SLC2A9: variants seen among roughly 807,000 people sequenced by gnomAD.
SLC2A9 encodes solute carrier family 2, facilitated glucose transporter member 9.
SLC2A9 carries 39 observed loss-of-function variants against 50.6 expected under a neutral mutation model. That is an observed-to-expected ratio of 0.77 (90% CI 0.60 to 1.01). The LOEUF is 1.01. Ranked by LOEUF, SLC2A9 falls within the 50% of genes least tolerant of loss-of-function variation. SLC2A9 has a pLI of 0.00. For synonymous variants in SLC2A9, 324 were observed against 276.9 expected (o/e 1.17, Z -1.69); for missense variants, 686 against 677.6 (o/e 1.01, Z -0.14).
At chr4:9,990,099 C>T (rs76800309) in intron 3 of SLC2A9, among the ~76,000 whole-genome samples, 2,692 of 152,172 alleles carry the variant, frequency 0.018, 31 homozygotes, top group Middle Eastern at 0.054. Flanking sequence ...CTGTGCTCCC[C>T]GCTTGGCTGC....
intron 11 of SLC2A9, among the ~76,000 whole-genome samples, chr4:9,830,549 G>T (rs577645691): frequency 6.6e-6 from 1 of 152,268 alleles, no homozygotes; most frequent in Admixed American, 6.5e-5. Context: ...AAAAAGCTCA[G>T]AAAAAGTTTG....
intron 3 of SLC2A9, among the ~76,000 whole-genome samples, chr4:9,799,520 G>A (rs1037613553): frequency 6.6e-6 from 1 of 151,936 alleles, no homozygotes; most frequent in Non-Finnish European, 1.5e-5. Context: ...AGCTCCTAAA[G>A]GCACCACCTC....
At chr4:9,917,004 G>A (rs1272064194) in intron 7 of SLC2A9, among the ~76,000 whole-genome samples, 2 of 152,152 alleles carry the variant, frequency 1.3e-5, no homozygotes, top group African/African-American at 4.8e-5. Context: ...CCAGGTGAGG[G>A]GAGCACAGTG....
At chr4:9,829,908 G>C (rs1725789181) in intron 11 of SLC2A9, among the ~76,000 whole-genome samples, 1 of 152,222 alleles carries the variant, frequency 6.6e-6, no homozygotes, top group Non-Finnish European at 1.5e-5. Context: ...CTTCTACATT[G>C]TTGGTGGGAG....
chr4:9,859,134 A>T (rs1168025858), intron 10 of SLC2A9, among the ~76,000 whole-genome samples: 1 of 152,190 alleles, frequency 6.6e-6, no homozygotes, highest in Non-Finnish European at 1.5e-5. Context: ...CTTGTGCCTC[A>T]ACTTGCAAAT....
At chr4:9,885,902 T>C (rs1736115718) in intron 10 of SLC2A9, among the ~76,000 whole-genome samples, 1 of 152,256 alleles carries the variant, frequency 6.6e-6, no homozygotes, top group Non-Finnish European at 1.5e-5. Context: ...ATGCATGGTC[T>C]GTGAAATAAA....
rs769493640 is a variant in SLC2A9, at chr4:10,028,144, A to C, written c.-40-2138T>G. Among the ~76,000 whole-genome samples the C allele has an allele frequency of 2.0e-5, 3 of 152,280 alleles. No homozygotes were observed. In the South Asian group the frequency reaches 6.2e-4, roughly 32 times the overall value. ...AGCAGCCCCTTCGAGCTGCCACACC[A>C]GGCCACTCTGCCCTCAGCTCCCTCA... On this transcript the variant is annotated intron_variant, in intron 1 of 12. Coordinates refer to the SLC2A9 transcript ENST00000309065.
At chr4:10,019,228 G>T (rs1383380457) in intron 1 of SLC2A9, 155 bp from the exon 2 acceptor site, 2 of 661,362 alleles carry the variant, frequency 3.0e-6, no homozygotes, top group Non-Finnish European at 2.7e-6. Flanking sequence ...CGCAAGTTGG[G>T]GACCTGCAAG....
chr4:9,989,448 C>T (rs891701489), intron 3 of SLC2A9, among the ~76,000 whole-genome samples: 1 of 152,084 alleles, frequency 6.6e-6, no homozygotes, highest in Non-Finnish European at 1.5e-5. Flanking sequence ...TCATTCTCAG[C>T]TGATGACCAT....
At chr4:9,777,491 CT>C (rs996355656), downstream of SLC2A9, among the ~76,000 whole-genome samples, 2 of 152,126 alleles carry the variant, frequency 1.3e-5, no homozygotes, top group African/African-American at 4.8e-5. Flanking sequence ...ATCAAAAATG[CT>C]TGTGGAATGA....
chr4:9,949,608 T>G (rs546866857), intron 5 of SLC2A9, among the ~76,000 whole-genome samples: 7 of 152,312 alleles, frequency 4.6e-5, no homozygotes, highest in African/African-American at 1.7e-4. Flanking sequence ...ACGGGGCTCT[T>G]TCCTTGACAT....
chr4:9,834,744 G>C (rs1444943495), intron 11 of SLC2A9, 137 bp downstream of exon 11: 2 of 1,399,960 alleles, frequency 1.4e-6, no homozygotes, highest in East Asian at 4.9e-5. Flanking sequence ...CCAAAGCATA[G>C]TTTCTTCCTT....
intron 2 of SLC2A9, among the ~76,000 whole-genome samples, chr4:10,001,035 G>A (rs1361068068): frequency 1.3e-5 from 2 of 152,112 alleles, no homozygotes; most frequent in African/African-American, 4.8e-5. Flanking sequence ...GTCCTTATTT[G>A]AAATGTGGTC....
chr4:9,845,403 C>T (rs991852049), intron 10 of SLC2A9, among the ~76,000 whole-genome samples: 1 of 149,054 alleles, frequency 6.7e-6, no homozygotes, highest in Non-Finnish European at 1.5e-5. Flanking sequence ...AAAATTATTC[C>T]AATGGAACCA....
chr4:9,879,580 G>A, intron 10 of SLC2A9: 11 of 985,350 alleles, frequency 1.1e-5, no homozygotes, highest in Non-Finnish European at 1.3e-5. Context: ...CAAGGTATGT[G>A]CTGAGGCATC....
At chr4:9,845,020 A>AT (rs200870252) in intron 10 of SLC2A9, among the ~76,000 whole-genome samples, 16,389 of 147,344 alleles carry the variant, frequency 0.11, 972 homozygotes, top group African/African-American at 0.13. Flanking sequence ...AAAAAGTTCA[A>AT]TTTTTTTTTT....
chr4:9,875,724 T>G (rs1299717536), intron 10 of SLC2A9, among the ~76,000 whole-genome samples: 1 of 152,170 alleles, frequency 6.6e-6, no homozygotes, highest in Non-Finnish European at 1.5e-5. Context: ...CCACCTCCCC[T>G]TTTCCCCCCA....
At chr4:9,902,483 T>A (rs1739824640) in intron 8 of SLC2A9, among the ~76,000 whole-genome samples, 1 of 152,204 alleles carries the variant, frequency 6.6e-6, no homozygotes, top group African/African-American at 2.4e-5. Flanking sequence ...TGCGTGAGTT[T>A]CCCAGGGCTG....
At chr4:9,861,224 G>A (rs191062093) in intron 10 of SLC2A9, among the ~76,000 whole-genome samples, 4 of 152,246 alleles carry the variant, frequency 2.6e-5, no homozygotes, top group East Asian at 1.9e-4. Flanking sequence ...TTCCAATCAC[G>A]GTGGAAGGCA....
Sources: allele counts gnomAD v4.1 joint callset (sites outside exome capture counted in the v4.1 genomes callset), GRCh38; gene constraint gnomAD v4.1.1; transcripts MANE v1.5; gene names NCBI Gene and HGNC (gene_info 2026-07-23, HGNC 2026-07-21).